Variants in TLL1 observed in about 807,000 individuals in gnomAD.
TLL1 encodes tolloid-like protein 1.
Under a neutral mutation model 128.2 loss-of-function variants are expected in TLL1, and 49 were observed. The ratio of observed to expected loss-of-function variants is 0.38; its 90% CI spans 0.30 to 0.48. TLL1 has a LOEUF of 0.48. TLL1 is among the 20% of genes least tolerant of loss of function. TLL1 has a pLI of 0.96. For missense variants in TLL1, 1,123 were observed against 1,242.0 expected (o/e 0.90, Z 1.44); for synonymous variants, 454 against 418.8 (o/e 1.08, Z -1.03).
intron 18 of TLL1, among the ~76,000 whole-genome samples, chr4:166,089,860 T>C (rs1741684472): frequency 6.6e-6 from 1 of 152,100 alleles, no homozygotes; most frequent in East Asian, 1.9e-4. Flanking sequence ...TTCCGTTAAG[T>C]AACTCCATTC....
At chr4:165,888,953 C>A (rs1731276558) in intron 1 of TLL1, among the ~76,000 whole-genome samples, 1 of 152,148 alleles carries the variant, frequency 6.6e-6, no homozygotes, top group South Asian at 2.1e-4. Context: ...TTGGCAAATG[C>A]CCTCAGTTGA....
chr4:165,909,960 A>G (rs1479969981), intron 1 of TLL1, among the ~76,000 whole-genome samples: 2 of 152,198 alleles, frequency 1.3e-5, no homozygotes, highest in Non-Finnish European at 2.9e-5. Flanking sequence ...CTAGAATGAT[A>G]TATTTTATAA....
intron 5 of TLL1, among the ~76,000 whole-genome samples, chr4:165,998,519 C>T (rs905616897): frequency 2.0e-5 from 3 of 152,152 alleles, no homozygotes; most frequent in Admixed American, 1.3e-4. Flanking sequence ...TTGAGCCGGA[C>T]GCGGTGGCTC....
At chr4:165,944,014 G>A (rs1734134068) in intron 1 of TLL1, among the ~76,000 whole-genome samples, 1 of 152,020 alleles carries the variant, frequency 6.6e-6, no homozygotes, top group East Asian at 1.9e-4. Context: ...GCTGTCTTCT[G>A]ATATATCTTT....
At chr4:165,899,132 A>T (rs576195857) in intron 1 of TLL1, among the ~76,000 whole-genome samples, 1 of 139,224 alleles carries the variant, frequency 7.2e-6, no homozygotes, top group East Asian at 2.7e-4. Flanking sequence ...TTGTCTGGCT[A>T]GTGGTCTATC....
At chr4:166,086,396 G>T (rs965889877) in intron 18 of TLL1, among the ~76,000 whole-genome samples, 1 of 152,130 alleles carries the variant, frequency 6.6e-6, no homozygotes, top group South Asian at 2.1e-4. Flanking sequence ...TGAGGGAGTG[G>T]CATCAGTATT....
chr4:166,027,349 G>A (rs1738548727), intron 9 of TLL1, among the ~76,000 whole-genome samples: 1 of 152,066 alleles, frequency 6.6e-6, no homozygotes, highest in Non-Finnish European at 1.5e-5. Context: ...CATTAGCCGT[G>A]GTGGGAATGC....
At chr4:166,077,779 A>C (rs1741100949) in intron 17 of TLL1, 124 bp from the exon 18 acceptor site, 1 of 1,270,696 alleles carries the variant, frequency 7.9e-7, no homozygotes, top group East Asian at 2.4e-5. Context: ...CCGACACGGG[A>C]GTGAAAATTA....
At chr4:165,938,508 A>G (rs1733864541) in intron 1 of TLL1, among the ~76,000 whole-genome samples, 1 of 152,070 alleles carries the variant, frequency 6.6e-6, no homozygotes, top group South Asian at 2.1e-4. Flanking sequence ...TTCTAATTTT[A>G]CAACTCATTA....
chr4:165,990,695 C>T (rs536266672), intron 2 of TLL1, among the ~76,000 whole-genome samples: 1 of 151,876 alleles, frequency 6.6e-6, no homozygotes, highest in Non-Finnish European at 1.5e-5. Flanking sequence ...CTAGCATGTA[C>T]TTTGTAAGAA....
At chr4:165,951,223 C>A (rs568389689) in intron 1 of TLL1, among the ~76,000 whole-genome samples, 1 of 152,196 alleles carries the variant, frequency 6.6e-6, no homozygotes, top group Non-Finnish European at 1.5e-5. Context: ...GAATAGCCTA[C>A]ACCTATTAAA....
chr4:165,998,292 G>C (rs1736977593), intron 5 of TLL1, among the ~76,000 whole-genome samples: 1 of 151,712 alleles, frequency 6.6e-6, no homozygotes, highest in Non-Finnish European at 1.5e-5. Context: ...GCCTTTTATA[G>C]CTAAATAGAT....
In TLL1 at chr4:166,104,137, G is replaced by C. The variant is rs1742411396; in HGVS notation, c.*3261G>C. Among the ~76,000 whole-genome samples the C allele has an allele frequency of 6.6e-6, 1 of 151,760 alleles. No homozygotes were observed. The highest frequency in any genetic ancestry group is 1.5e-5 in the Non-Finnish European group (1 of 67,858). On this transcript the variant is annotated 3_prime_UTR_variant, in exon 21 of 21. Coordinates refer to ENST00000061240, the MANE Select transcript of TLL1 (RefSeq NM_012464.5). Reference sequence around the variant, plus strand: ...TCTCTTTTATTTGGTTTGTAATACTGCTGTATTTTTGGTGGTAAGCTTCAA... The same window carrying C: ...TCTCTTTTATTTGGTTTGTAATACTCCTGTATTTTTGGTGGTAAGCTTCAA...
At chr4:165,901,968 G>C (rs568735880) in intron 1 of TLL1, among the ~76,000 whole-genome samples, 1 of 152,330 alleles carries the variant, frequency 6.6e-6, no homozygotes, top group East Asian at 1.9e-4. Context: ...TAGAGAGGCA[G>C]TCTGGTTACA....
At chr4:166,067,586 G>A (rs988871148) in intron 16 of TLL1, among the ~76,000 whole-genome samples, 1 of 151,628 alleles carries the variant, frequency 6.6e-6, no homozygotes, top group African/African-American at 2.4e-5. Flanking sequence ...CAGGTAATTT[G>A]CTGTAAATCA....
chr4:165,958,739 T>C (rs566335719), intron 1 of TLL1, among the ~76,000 whole-genome samples: 1 of 145,540 alleles, frequency 6.9e-6, no homozygotes, highest in Non-Finnish European at 1.5e-5. Flanking sequence ...GTCAATTTTG[T>C]CTTTTGTTGC....
rs376010277 is a variant in TLL1, at chr4:165,902,732, C to T, written c.169+28659C>T. On this transcript the variant is annotated intron_variant, in intron 1 of 20. Transcript: ENST00000061240. ...TCCTATTAGGCCATCTTCCTAGCCACACACCAAGTATAGTCTTTTCAACAA... is the reference window on the plus strand; with the variant it reads ...TCCTATTAGGCCATCTTCCTAGCCATACACCAAGTATAGTCTTTTCAACAA... 1.1e-4 allele frequency among the ~76,000 whole-genome samples: 17 copies of T among 152,292 alleles called. No individual in the cohort carries two copies. In the East Asian group the frequency reaches 1.7e-3, roughly 16 times the overall value.
intron 16 of TLL1, among the ~76,000 whole-genome samples, chr4:166,069,934 A>G (rs1191977298): frequency 6.6e-6 from 1 of 151,854 alleles, no homozygotes; most frequent in East Asian, 1.9e-4. Flanking sequence ...AATACAATGA[A>G]GTAATATTAA....
At chr4:166,049,795 A>G (rs921018385) in intron 12 of TLL1, among the ~76,000 whole-genome samples, 8 of 151,578 alleles carry the variant, frequency 5.3e-5, no homozygotes, top group Non-Finnish European at 1.0e-4. Flanking sequence ...AGACTTTACT[A>G]GATTTTTCTC....
Sources: allele counts gnomAD v4.1 joint callset (sites outside exome capture counted in the v4.1 genomes callset), GRCh38; gene constraint gnomAD v4.1.1; transcripts MANE v1.5; gene names NCBI Gene and HGNC (gene_info 2026-07-23, HGNC 2026-07-21).